Variants in TOP1MT observed in about 807,000 individuals in gnomAD.
The protein encoded by TOP1MT is DNA topoisomerase I mitochondrial, also known as DNA topoisomerase I, mitochondrial.
In TOP1MT, 80 loss-of-function variants were observed where a neutral mutation model predicts 73.9. The ratio of observed to expected loss-of-function variants is 1.08; its 90% confidence interval spans 0.90 to 1.30. TOP1MT has a LOEUF of 1.30. TOP1MT is among the 50% of genes most tolerant of loss of function. The probability of loss-of-function intolerance (pLI) is 0.00; values close to 1 mark genes in which losing one functional copy is unlikely to be tolerated. For synonymous variants in TOP1MT, 338 were observed against 326.4 expected, an observed-to-expected ratio of 1.04 and a Z score of -0.38; for missense variants, 815 against 808.0, an observed-to-expected ratio of 1.01 and a Z score of -0.10.
rs559906570 is a variant in TOP1MT, at chr8:143,309,366, C to A, written c.*75G>T. On this transcript the variant is annotated 3_prime_UTR_variant, in exon 14 of 14. Coordinates refer to ENST00000329245, the MANE Select transcript of TOP1MT (RefSeq NM_052963.3). ...AAGCACTTGCACACATTTTATTGTA[C>A]AAAATTCCCCAGTACTGCTTTAATA... 4 of 1,501,764 alleles carry A rather than the reference C, an allele frequency of 2.7e-6. No individual in the cohort carries two copies. The South Asian group carries it at 3.5e-5, about 13-fold the overall frequency. 93.0% of individuals were successfully genotyped at this position (1,501,764 alleles called of 1,614,324 possible). A position where few individuals can be genotyped will look rare whatever the true frequency, so the allele number is the denominator to read the frequency against.
intron 12 of TOP1MT, among the ~76,000 whole-genome samples, chr8:143,311,704 C>A (rs545513590): frequency 6.7e-6 from 1 of 150,086 alleles, no homozygotes; most frequent in African/African-American, 2.5e-5. Flanking sequence ...TGAGATCATG[C>A]CACTGCACTC....
chr8:143,327,717 G>A (rs1313152245), intron 3 of TOP1MT: 4 of 418,226 alleles, frequency 9.6e-6, no homozygotes, highest in Non-Finnish European at 1.9e-5. Context: ...CGGGCAGCTG[G>A]TGCCACCTCA....
intron 3 of TOP1MT, chr8:143,328,458 T>A (rs562788204): frequency 2.7e-6 from 1 of 368,536 alleles, no homozygotes; most frequent in Admixed American, 3.7e-5. Flanking sequence ...ATATCACTTG[T>A]CATTAGGGAA....
intron 1 of TOP1MT, among the ~76,000 whole-genome samples, chr8:143,351,879 T>C (rs571699721): frequency 6.6e-6 from 1 of 152,142 alleles, no homozygotes; most frequent in Admixed American, 6.5e-5. Context: ...AGGTCAGGAG[T>C]TCGAGACCAG....
intron 1 of TOP1MT, among the ~76,000 whole-genome samples, chr8:143,352,792 T>G (rs1817342934): frequency 6.6e-6 from 1 of 152,190 alleles, no homozygotes; most frequent in African/African-American, 2.4e-5. Context: ...GTCCAGCTGA[T>G]TTTTAAATTT....
intron 1 of TOP1MT, chr8:143,343,577 A>G: frequency 3.8e-6 from 1 of 264,558 alleles, no homozygotes; most frequent in South Asian, 4.1e-5. Context: ...GGCAGGCAGT[A>G]AAAGGCAGCT....
At chr8:143,334,645 G>A in intron 1 of TOP1MT, 95 bp downstream of exon 1, 1 of 1,535,322 alleles carries the variant, frequency 6.5e-7, no homozygotes, top group Non-Finnish European at 8.8e-7. Flanking sequence ...CGGAAGCAGG[G>A]CAAGGCCGTC....
At chr8:143,321,982 CGCCACACACAT>C (rs1816426477) in intron 7 of TOP1MT, among the ~76,000 whole-genome samples, 1 of 63,290 alleles carries the variant, frequency 1.6e-5, no homozygotes, top group Non-Finnish European at 3.5e-5. Context: ...ACCACACGCA[CGCCACACACAT>C]GCACGCCACA....
intron 2 of TOP1MT, 33 bp from the exon 3 acceptor site, chr8:143,329,504 A>C: frequency 3.8e-6 from 6 of 1,591,814 alleles, no homozygotes; most frequent in Non-Finnish European, 5.1e-6. Context: ...CGTATGAGAG[A>C]GCGGCCAGAG....
At chr8:143,349,116 C>T (rs1039383715), upstream of TOP1MT, among the ~76,000 whole-genome samples, 1 of 152,208 alleles carries the variant, frequency 6.6e-6, no homozygotes, top group African/African-American at 2.4e-5. Flanking sequence ...CAGAGACCAA[C>T]AGGCGGGCCA....
chr8:143,323,239 CCA>C (rs1161751728), intron 7 of TOP1MT, among the ~76,000 whole-genome samples: 19 of 110,590 alleles, frequency 1.7e-4, no homozygotes, highest in South Asian at 6.8e-4. Flanking sequence ...CACAGGCACG[CCA>C]CACACACAGG....
In TOP1MT at chr8:143,315,345, T is replaced by C. The variant is rs551834508; in HGVS notation, c.1553+382A>G. On this transcript the variant is annotated intron_variant, in intron 12 of 13. Transcript: ENST00000329245. The stretch of plus-strand genomic sequence containing the variant: ...AAAAGTCTCTGATATGCAGAAATAA[T>C]GGCGTAAACTGTTCTCTCTCTCTCT... 6.6e-5 allele frequency among the ~76,000 whole-genome samples: 10 copies of C among 152,286 alleles called. No individual in the cohort carries two copies. In the East Asian group the frequency reaches 1.7e-3, roughly 26 times the overall value.
chr8:143,326,942 G>A (rs1199567510), intron 3 of TOP1MT, among the ~76,000 whole-genome samples: 5 of 152,214 alleles, frequency 3.3e-5, no homozygotes, highest in South Asian at 2.1e-4. Context: ...CCCTGCTTCT[G>A]AGAGGATGCC....
chr8:143,321,635 G>GCACGCCACAC lies in TOP1MT; in HGVS notation c.961-250_961-249insGTGTGGCGTG, dbSNP rs1816379280. Among the ~76,000 whole-genome samples the GCACGCCACAC allele has an allele frequency of 9.0e-5, 2 of 22,204 alleles. 1 individual carries two copies. The highest frequency in any genetic ancestry group is 1.5e-3 in the Admixed American group (2 of 1,294). The allele number at this position is 22,204 out of a possible 152,430, so 14.6% of individuals were successfully genotyped here. ...GCACGCCACACGCACGCCACACACA[G>GCACGCCACAC]GCACGCCACACACAGGCACGCCACA... On this transcript the variant is annotated intron_variant, in intron 7 of 13. Transcript: ENST00000329245.
At chr8:143,335,270 T>C (rs2450776), upstream of TOP1MT, among the ~76,000 whole-genome samples, 35,286 of 152,168 alleles carry the variant, frequency 0.23, 7,862 homozygotes, top group African/African-American at 0.59. Context: ...GTACACGCTC[T>C]GCTGCTCTGG....
chr8:143,354,528 C>T (rs1218862125), intron 1 of TOP1MT, among the ~76,000 whole-genome samples: 1 of 152,022 alleles, frequency 6.6e-6, no homozygotes, highest in Non-Finnish European at 1.5e-5. Context: ...GCCTGACCAA[C>T]ATGGAGAAAC....
At chr8:143,354,435 G>A (rs151037735) in intron 1 of TOP1MT, among the ~76,000 whole-genome samples, 52 of 152,176 alleles carry the variant, frequency 3.4e-4, no homozygotes, top group Admixed American at 5.2e-4. Context: ...AACGTTAGCC[G>A]GGCGTGGTGG....
chr8:143,317,343 C>T (rs990983363), intron 10 of TOP1MT, among the ~76,000 whole-genome samples: 19 of 152,224 alleles, frequency 1.2e-4, no homozygotes, highest in African/African-American at 4.6e-4. Context: ...GCCCAGAGGT[C>T]GGGGTGCTCA....
At chr8:143,318,837 C>G (rs1816249164) in intron 8 of TOP1MT, among the ~76,000 whole-genome samples, 1 of 152,192 alleles carries the variant, frequency 6.6e-6, no homozygotes, top group Non-Finnish European at 1.5e-5. Flanking sequence ...GAAGCCCCAG[C>G]CCACAGCTCC....
Sources: allele counts gnomAD v4.1 joint callset (sites outside exome capture counted in the v4.1 genomes callset), GRCh38; gene constraint gnomAD v4.1.1; transcripts MANE v1.5; gene names NCBI Gene and HGNC (gene_info 2026-07-23, HGNC 2026-07-21).